CNGB3: variants seen among roughly 807,000 people sequenced by gnomAD.
CNGB3 encodes cyclic nucleotide-gated channel beta-3.
A neutral mutation model predicts 92.8 loss-of-function variants in CNGB3; 86 were observed. The ratio of observed to expected loss-of-function variants is 0.93; its 90% CI spans 0.78 to 1.11. CNGB3 has a LOEUF of 1.11. Among genes scored for constraint, CNGB3 ranks in the 50% least tolerant of loss-of-function variants. The pLI, the probability that CNGB3 is intolerant of heterozygous loss-of-function variation, is 0.00. For synonymous variants in CNGB3, 333 were observed against 332.7 expected (o/e 1.00, Z -0.01); for missense variants, 1,026 against 956.8 (o/e 1.07, Z -0.95).
In CNGB3 at chr8:86,575,056, G is replaced by T. The variant is rs1468987633; in HGVS notation, c.*748C>A. The T allele has an allele frequency of 1.3e-5, 2 of 152,218 alleles. No homozygotes were observed. The highest frequency in any genetic ancestry group is 4.8e-5 in the African/African-American group (2 of 41,444). The allele number at this position is 152,218 out of a possible 1,614,324, so 9.4% of individuals were successfully genotyped here. On this transcript the variant is annotated 3_prime_UTR_variant, in exon 18 of 18. Transcript: ENST00000320005. ...CCAGTCCAAGTCCCTTGAGCCAGATGAGTTAGGTAGATTGGTGTCTTTTAA... is the reference window on the plus strand; with the variant it reads ...CCAGTCCAAGTCCCTTGAGCCAGATTAGTTAGGTAGATTGGTGTCTTTTAA...
intron 2 of CNGB3, among the ~76,000 whole-genome samples, chr8:86,729,536 A>G (rs1009028526): frequency 1.2e-4 from 18 of 152,246 alleles, no homozygotes; most frequent in African/African-American, 3.9e-4. Context: ...ATTTGTGGAT[A>G]AACATTTAAT....
chr8:86,708,116 G>C (rs1824682629), intron 3 of CNGB3: 1 of 152,200 alleles, frequency 6.6e-6, no homozygotes, highest in Non-Finnish European at 1.5e-5. Context: ...AATACCAACT[G>C]AAGATATAAA....
chr8:86,619,961 T>C (rs1822693632), intron 13 of CNGB3, among the ~76,000 whole-genome samples: 1 of 152,034 alleles, frequency 6.6e-6, no homozygotes, highest in Admixed American at 6.6e-5. Flanking sequence ...GCTCAGGCAA[T>C]CCTCTTGCCT....
chr8:86,583,027 C>T (rs199539690), intron 15 of CNGB3, among the ~76,000 whole-genome samples: 2 of 4,218 alleles, frequency 4.7e-4, no homozygotes, highest in Non-Finnish European at 1.1e-3. Flanking sequence ...CCTCTGCTTC[C>T]TGTAGCTGGG....
intron 3 of CNGB3, among the ~76,000 whole-genome samples, chr8:86,689,673 C>T (rs1246178950): frequency 1.3e-5 from 2 of 151,900 alleles, no homozygotes; most frequent in Non-Finnish European, 2.9e-5. Context: ...TAACTTGTCA[C>T]TTATATTAGG....
At position 86,588,027 on chromosome 8, in the gene CNGB3, G is replaced by A. The variant is rs1353497780; in HGVS notation, c.1782-8775C>T. Among the ~76,000 whole-genome samples, 328 of 143,246 alleles carry A rather than the reference G, an allele frequency of 2.3e-3. 4 individuals carry two copies. The highest frequency in any genetic ancestry group is 0.012 in the South Asian group (52 of 4,350). 94.0% of individuals were successfully genotyped at this position (143,246 alleles called of 152,430 possible). Reference sequence around the variant, plus strand: ...CTTTTATTTCCTTGAGCAGCGGTTTGTAGTTCTCCTTGAAGAGGTCCTTCA... The same window carrying A: ...CTTTTATTTCCTTGAGCAGCGGTTTATAGTTCTCCTTGAAGAGGTCCTTCA... On this transcript the variant is annotated intron_variant, in intron 15 of 17. Transcript: ENST00000320005.
intron 15 of CNGB3, among the ~76,000 whole-genome samples, chr8:86,590,848 G>T (rs968186558): frequency 6.6e-6 from 1 of 151,020 alleles, no homozygotes; most frequent in Non-Finnish European, 1.5e-5. Flanking sequence ...GAGTATCTTT[G>T]TGGTGTTCTC....
At chr8:86,658,515 A>G (rs1459264535) in intron 6 of CNGB3, 1 of 380,526 alleles carries the variant, frequency 2.6e-6, no homozygotes, top group Admixed American at 3.2e-5. Context: ...CAGCTGGTCT[A>G]TGAGCTGGGT....
intron 2 of CNGB3, among the ~76,000 whole-genome samples, chr8:86,734,473 G>T (rs1482384417): frequency 1.3e-5 from 2 of 152,168 alleles, no homozygotes; most frequent in Non-Finnish European, 2.9e-5. Context: ...TAAACGCATT[G>T]CCAGATTCAG....
chr8:86,582,765 T>G (rs1821814400), intron 15 of CNGB3, among the ~76,000 whole-genome samples: 1 of 152,096 alleles, frequency 6.6e-6, no homozygotes, highest in African/African-American at 2.4e-5. Context: ...ACAAAGTCAT[T>G]GTCAGAAAAA....
Position 86,651,489 on chromosome 8 carries a change from CAAGTT to C in CNGB3, c.903+2518_903+2522del, listed in dbSNP as rs538542453. ...ACTGTAGAGGTATCGATCTTTGTAA[CAAGTT>C]AAGTGTACAGAACGTAATTAAAATA... On this transcript the variant is annotated intron_variant, in intron 7 of 17. Transcript: ENST00000320005. Among the ~76,000 whole-genome samples the C allele has an allele frequency of 8.6e-5, 13 of 151,884 alleles. No individual in the cohort carries two copies. In the South Asian group the frequency reaches 2.5e-3, roughly 29 times the overall value.
chr8:86,620,733 C>T (rs1346610884), intron 13 of CNGB3, among the ~76,000 whole-genome samples: 1 of 152,100 alleles, frequency 6.6e-6, no homozygotes, highest in African/African-American at 2.4e-5. Flanking sequence ...AGAAGCAGTG[C>T]AAGGATCAGT....
At chr8:86,590,077 C>T (rs376750329) in intron 15 of CNGB3, among the ~76,000 whole-genome samples, 4,304 of 151,336 alleles carry the variant, frequency 0.028, 113 homozygotes, top group East Asian at 0.071. Flanking sequence ...TGAATTGATC[C>T]CTTTACCATT....
chr8:86,606,660 T>C (rs1822417132), intron 14 of CNGB3, among the ~76,000 whole-genome samples: 1 of 152,238 alleles, frequency 6.6e-6, no homozygotes, highest in African/African-American at 2.4e-5. Flanking sequence ...CATGCTACTT[T>C]ATAGCTGTAA....
At chr8:86,641,277 A>G (rs1823179092) in intron 10 of CNGB3, among the ~76,000 whole-genome samples, 1 of 152,016 alleles carries the variant, frequency 6.6e-6, no homozygotes, top group African/African-American at 2.4e-5. Flanking sequence ...TTCATGAATA[A>G]TCCACTCCTT....
intron 3 of CNGB3, among the ~76,000 whole-genome samples, chr8:86,691,371 C>G (rs1378071126): frequency 6.6e-6 from 1 of 152,160 alleles, no homozygotes; most frequent in Non-Finnish European, 1.5e-5. Context: ...ATTTCTTTCT[C>G]TCTTCTGATT....
chr8:86,743,147 G>A (rs781671320), intron 1 of CNGB3, among the ~76,000 whole-genome samples: 18 of 152,088 alleles, frequency 1.2e-4, no homozygotes, highest in Non-Finnish European at 2.6e-4. Context: ...TTAACATGTG[G>A]TTTATGAAGA....
chr8:86,689,885 C>T (rs1048969663), intron 3 of CNGB3, among the ~76,000 whole-genome samples: 2 of 152,208 alleles, frequency 1.3e-5, no homozygotes, highest in African/African-American at 4.8e-5. Flanking sequence ...CTACAAAGGA[C>T]ATGAACTCAT....
intron 15 of CNGB3, among the ~76,000 whole-genome samples, chr8:86,589,069 G>T (rs1821963340): frequency 6.6e-6 from 1 of 152,144 alleles, no homozygotes; most frequent in South Asian, 2.1e-4. Flanking sequence ...AGTCTTGGGA[G>T]AGTGTGTGTG....
Sources: allele counts gnomAD v4.1 joint callset (sites outside exome capture counted in the v4.1 genomes callset), GRCh38; gene constraint gnomAD v4.1.1; transcripts MANE v1.5; gene names NCBI Gene and HGNC (gene_info 2026-07-23, HGNC 2026-07-21).